SERPINF1: variants seen among roughly 807,000 people sequenced by gnomAD.
SERPINF1 encodes the protein pigment epithelium-derived factor.
Under a neutral mutation model 37.3 loss-of-function variants are expected in SERPINF1, and 29 were observed. The ratio of observed to expected loss-of-function variants is 0.78; its 90% CI spans 0.58 to 1.06. SERPINF1 has a LOEUF of 1.06. Among genes scored for constraint, SERPINF1 ranks in the 50% least tolerant of loss-of-function variants. The pLI is 0.00. For missense variants in SERPINF1, 553 were observed against 532.2 expected, an observed-to-expected ratio of 1.04 and a Z score of -0.38; for synonymous variants, 281 against 227.9, an observed-to-expected ratio of 1.23 and a Z score of -2.10.
rs761373141 is a variant in SERPINF1, at chr17:1,776,759, T to C, written c.997+17T>C. 1 of 1,612,070 alleles carries C rather than the reference T, an allele frequency of 6.2e-7. No homozygotes were observed. Among genetic ancestry groups the C allele is most frequent in the South Asian group, 1.1e-5 (1 of 90,874 alleles). On this transcript the variant is annotated intron_variant, in intron 7 of 7. Coordinates refer to ENST00000254722, the MANE Select transcript of SERPINF1 (RefSeq NM_002615.7). Reference sequence around the variant, plus strand: ...AGGAGATGAGTATGTCTGAAGACCCTTTCGCTCTTGGTGGGTGGATGGGGT... The same window carrying C: ...AGGAGATGAGTATGTCTGAAGACCCCTTCGCTCTTGGTGGGTGGATGGGGT...
At chr17:1,773,476 G>C (rs562299958) in intron 5 of SERPINF1, among the ~76,000 whole-genome samples, 1 of 152,086 alleles carries the variant, frequency 6.6e-6, no homozygotes, top group East Asian at 1.9e-4. Flanking sequence ...GAAAACTCCT[G>C]ACCTCAGATG....
chr17:1,773,850 G>A (rs1907882268), intron 5 of SERPINF1, among the ~76,000 whole-genome samples: 1 of 152,074 alleles, frequency 6.6e-6, no homozygotes, highest in South Asian at 2.1e-4. Flanking sequence ...GTAGGGGGAG[G>A]GGTTGGGCAA....
chr17:1,775,547 C>CTT (rs148801713), intron 6 of SERPINF1, among the ~76,000 whole-genome samples: 20,660 of 142,812 alleles, frequency 0.14, 3,106 homozygotes, highest in African/African-American at 0.38. Flanking sequence ...TCGTTGGCAT[C>CTT]TTTTTTTTTT....
chr17:1,773,794 T>G (rs893666341), intron 5 of SERPINF1, among the ~76,000 whole-genome samples: 1 of 151,986 alleles, frequency 6.6e-6, no homozygotes, highest in African/African-American at 2.4e-5. Flanking sequence ...ACGGGTCTTG[T>G]GTGGGGCCAG....
intron 5 of SERPINF1, 116 bp from the exon 6 acceptor site, chr17:1,774,942 A>G: frequency 7.7e-7 from 1 of 1,301,710 alleles, no homozygotes; most frequent in Non-Finnish European, 1.1e-6. Flanking sequence ...AGAGCCCCTG[A>G]CAGCTAAGCT....
Position 1,777,261 on chromosome 17 carries a change from C to T in SERPINF1, c.1072C>T (p.His358Tyr). ...ACCCATCAAGCTGACTCAGGTGGAA[C>T]ACCGGGCTGGCTTTGAGTGGAACGA... The part of the protein sequence containing the change: ...GKPIKLTQVE[H>Y]RAGFEWNEDG... Residue 358 changes from histidine (H) to tyrosine (Y), a missense_variant, in exon 8 of 8, where the codon CAC (histidine) becomes TAC (tyrosine). Physicochemically the swap from His to Tyr is moderately conservative, Grantham distance 83. Transcript: ENST00000254722. 2 of 1,614,112 alleles carry T rather than the reference C, an allele frequency of 1.2e-6. No homozygotes were observed. The highest frequency in any genetic ancestry group is 2.2e-5 in the East Asian group (1 of 44,856).
At chr17:1,774,523 G>C (rs1421621106) in intron 5 of SERPINF1, among the ~76,000 whole-genome samples, 2 of 152,036 alleles carry the variant, frequency 1.3e-5, no homozygotes, top group South Asian at 4.1e-4. Flanking sequence ...GTAGAGACGG[G>C]GTTTTGCCAT....
At chr17:1,776,211 G>A (rs1019986312) in intron 6 of SERPINF1, among the ~76,000 whole-genome samples, 3 of 152,144 alleles carry the variant, frequency 2.0e-5, no homozygotes, top group Admixed American at 6.6e-5. Context: ...AATGTTGGCC[G>A]ATGGACTTTG....
Position 1,776,607 on chromosome 17 carries a change from T to C in SERPINF1, c.862T>C (p.Leu288=). 5.6e-6 allele frequency: 9 copies of C among 1,614,014 alleles called. No individual in the cohort carries two copies. Among genetic ancestry groups the C allele is most frequent in the East Asian group, 2.2e-5 (1 of 44,856 alleles). Residue 288 remains leucine (L), a synonymous_variant, in exon 7 of 8, where the codon TTG becomes CTG. Coordinates refer to ENST00000254722, the MANE Select transcript of SERPINF1 (RefSeq NM_002615.7). Reference sequence around the variant, plus strand: ...CCTGAAAGTGACCCAGAATTTGACCTTGATAGAGGAGAGCCTCACCTCCGA... The same window carrying C: ...CCTGAAAGTGACCCAGAATTTGACCCTGATAGAGGAGAGCCTCACCTCCGA... ...LPLKVTQNLT[L]IEESLTSEFI...
At chr17:1,768,630 C>A (rs150366428) in intron 2 of SERPINF1, among the ~76,000 whole-genome samples, 1 of 150,392 alleles carries the variant, frequency 6.6e-6, no homozygotes, top group Non-Finnish European at 1.5e-5. Flanking sequence ...CGTTCCACCA[C>A]GCCCAGCTAA....
In SERPINF1 at chr17:1,777,284, C is replaced by A. The variant is rs565464856; in HGVS notation, c.1095C>A (p.Asn365Lys). Residue 365 changes from asparagine (N) to lysine (K), a missense_variant, in exon 8 of 8, where the codon AAC becomes AAA. By Grantham distance (94) the Asn-to-Lys change is moderately conservative. Coordinates refer to ENST00000254722, the MANE Select transcript of SERPINF1 (RefSeq NM_002615.7). ...QVEHRAGFEW[N>K]EDGAGTTPSP... ...AACACCGGGCTGGCTTTGAGTGGAA[C>A]GAGGATGGGGCGGGAACCACCCCCA... The A allele has an allele frequency of 6.2e-7, 1 of 1,613,938 alleles. No individual in the cohort carries two copies. The highest frequency in any genetic ancestry group is 1.7e-5 in the Admixed American group (1 of 59,982).
At chr17:1,774,013 C>T (rs1907888393) in intron 5 of SERPINF1, among the ~76,000 whole-genome samples, 1 of 152,160 alleles carries the variant, frequency 6.6e-6, no homozygotes, top group Admixed American at 6.6e-5. Flanking sequence ...TCACATTAAA[C>T]TAAAGGGGCT....
intron 5 of SERPINF1, among the ~76,000 whole-genome samples, chr17:1,772,314 C>G (rs1907798846): frequency 6.6e-6 from 1 of 152,052 alleles, no homozygotes; most frequent in South Asian, 2.1e-4. Flanking sequence ...TGGGGTTTCA[C>G]CATGTTGGCC....
In SERPINF1 at chr17:1,766,994, G is replaced by T; in HGVS notation, c.84G>T (p.Glu28Asp). 6.4e-7 allele frequency: 1 copy of T among 1,552,710 alleles called. No individual in the cohort carries two copies. The highest frequency in any genetic ancestry group is 8.7e-7 in the Non-Finnish European group (1 of 1,147,684). The change falls in exon 2 of 8, where the codon GAG becomes GAT. Residue 28 changes from glutamate (E) to aspartate (D), a missense_variant and splice_region_variant. By Grantham distance (45) the Glu-to-Asp change is conservative (BLOSUM62 2). Coordinates refer to ENST00000254722, the MANE Select transcript of SERPINF1 (RefSeq NM_002615.7). ...AGAACCCTGCCAGCCCCCCGGAGGA[G>T]GTCAGTAGGCAGGCGGGGAGGGCGT... ...SCQNPASPPE[E>D]GSPDPDSTGA...
chr17:1,770,399 G>A (rs149787551), intron 3 of SERPINF1: 76 of 413,614 alleles, frequency 1.8e-4, no homozygotes, highest in Admixed American at 1.5e-3. Flanking sequence ...TGCCCTCACC[G>A]AGGACACAGC....
At chr17:1,769,709 G>A (rs980860974) in intron 2 of SERPINF1, 143 bp from the exon 3 acceptor site, 32 of 880,078 alleles carry the variant, frequency 3.6e-5, no homozygotes, top group Middle Eastern at 5.9e-4. Context: ...ACTCATTCCC[G>A]TTTTAGGCCA....
At chr17:1,773,327 T>TC (rs1907853690) in intron 5 of SERPINF1, among the ~76,000 whole-genome samples, 1 of 152,016 alleles carries the variant, frequency 6.6e-6, no homozygotes, top group Non-Finnish European at 1.5e-5. Flanking sequence ...CACTACAGCC[T>TC]CCCCACCTCC....
rs774578593 is a variant in SERPINF1, at chr17:1,770,884, T to C, written c.284-145T>C. On this transcript the variant is annotated intron_variant, in intron 3 of 7. Transcript: ENST00000254722. ...GAAAATCTCTAAGGATGAAAATTCC[T>C]TGGCCACCTAGATTGTCTTGAAGAT... is the stretch of plus-strand genomic sequence containing the variant. The C allele has an allele frequency of 2.4e-5, 25 of 1,028,678 alleles. No individual in the cohort carries two copies. The African/African-American group carries it at 3.9e-4, about 16-fold the overall frequency. The allele number at this position is 1,028,678 out of a possible 1,614,324, so 63.7% of individuals were successfully genotyped here. A position where few individuals can be genotyped will look rare whatever the true frequency, so the allele number is the denominator to read the frequency against.
rs369111028 is a variant in SERPINF1, at chr17:1,769,867, G to C, written c.100G>C (p.Asp34His). The C allele has an allele frequency of 3.7e-6, 6 of 1,614,186 alleles. No individual in the cohort carries two copies. The South Asian group carries it at 6.6e-5, about 18-fold the overall frequency. ...SPPEEGSPDP[D>H]STGALVEEED... ...CTCCTGCCAGGGCTCCCCAGACCCC[G>C]ACAGCACAGGGGCGCTGGTGGAGGA... Residue 34 changes from aspartate (D) to histidine (H), a missense_variant, in exon 3 of 8, where the codon GAC becomes CAC. By Grantham distance (81) the Asp-to-His change is moderately conservative. Transcript: ENST00000254722.
Sources: allele counts gnomAD v4.1 joint callset (sites outside exome capture counted in the v4.1 genomes callset), GRCh38; gene constraint gnomAD v4.1.1; transcripts MANE v1.5; gene names NCBI Gene and HGNC (gene_info 2026-07-23, HGNC 2026-07-21).